Variants in PBX1 observed in about 807,000 individuals in gnomAD.
The protein encoded by PBX1 is pre-B-cell leukemia transcription factor 1.
A neutral mutation model predicts 53.4 loss-of-function variants in PBX1; 6 were observed. The observed-to-expected ratio is 0.11, with a 90% CI of 0.06 to 0.22. The LOEUF (loss-of-function observed/expected upper bound fraction) is 0.22. PBX1 is among the 10% of genes least tolerant of loss of function. PBX1 has a pLI of 1.00. For synonymous variants in PBX1, 204 were observed against 212.3 expected (o/e 0.96, Z 0.34); for missense variants, 251 against 551.4 (o/e 0.46, Z 5.46).
At chr1:164,712,696 A>G (rs1368550804) in intron 2 of PBX1, among the ~76,000 whole-genome samples, 1 of 152,182 alleles carries the variant, frequency 6.6e-6, no homozygotes. Flanking sequence ...GGCTCCCTTC[A>G]AATGAGGGAA....
intron 2 of PBX1, among the ~76,000 whole-genome samples, chr1:164,780,959 T>C (rs1667907462): frequency 6.6e-6 from 1 of 152,154 alleles, no homozygotes; most frequent in Admixed American, 6.5e-5. Flanking sequence ...ACTTGGAAAG[T>C]TCTGAGAAGC....
At chr1:164,716,215 C>G (rs1664072522) in intron 2 of PBX1, among the ~76,000 whole-genome samples, 1 of 152,172 alleles carries the variant, frequency 6.6e-6, no homozygotes, top group Admixed American at 6.5e-5. Context: ...ACCCACTGAT[C>G]TATGCAAGGC....
At chr1:164,692,815 C>G (rs564639111) in intron 2 of PBX1, among the ~76,000 whole-genome samples, 44 of 152,294 alleles carry the variant, frequency 2.9e-4, no homozygotes, top group Admixed American at 9.1e-4. Flanking sequence ...CTTACCCAGT[C>G]TTCACAGTCG....
At chr1:164,808,859 C>T (rs1248553217) in intron 5 of PBX1, among the ~76,000 whole-genome samples, 1 of 152,164 alleles carries the variant, frequency 6.6e-6, no homozygotes, top group African/African-American at 2.4e-5. Flanking sequence ...TGAATTGACT[C>T]CTTTTTAACC....
intron 2 of PBX1, among the ~76,000 whole-genome samples, chr1:164,726,853 G>T (rs761044603): frequency 6.6e-6 from 1 of 152,284 alleles, no homozygotes; most frequent in South Asian, 2.1e-4. Flanking sequence ...ACTTCTAGGC[G>T]AAATGGCATT....
At chr1:164,633,451 C>T (rs1004645663) in intron 2 of PBX1, among the ~76,000 whole-genome samples, 1 of 152,162 alleles carries the variant, frequency 6.6e-6, no homozygotes, top group Non-Finnish European at 1.5e-5. Context: ...CACGCAGCCC[C>T]TCTCTCTCTT....
intron 2 of PBX1, among the ~76,000 whole-genome samples, chr1:164,611,414 A>G (rs921471583): frequency 1.3e-5 from 2 of 151,768 alleles, no homozygotes; most frequent in South Asian, 4.1e-4. Context: ...ATTTTTTTGT[A>G]TTTTTAGTAG....
intron 5 of PBX1, among the ~76,000 whole-genome samples, chr1:164,808,918 T>C (rs1336972814): frequency 6.6e-6 from 1 of 152,202 alleles, no homozygotes; most frequent in Non-Finnish European, 1.5e-5. Flanking sequence ...TTTTTAGTCT[T>C]GACAGTTCTG....
chr1:164,780,323 G>A (rs1387497414), intron 2 of PBX1, among the ~76,000 whole-genome samples: 6 of 152,152 alleles, frequency 3.9e-5, no homozygotes, highest in South Asian at 2.1e-4. Flanking sequence ...GATGTTTGCC[G>A]CAGATGCTAA....
chr1:164,568,202 C>T (rs1183012848), intron 2 of PBX1, among the ~76,000 whole-genome samples: 1 of 152,146 alleles, frequency 6.6e-6, no homozygotes, highest in Middle Eastern at 3.2e-3. Context: ...AAGCATGACC[C>T]TGACTTCTTT....
Position 164,870,214 on chromosome 1 carries a change from T to C in PBX1, n.258-28974T>C, listed in dbSNP as rs866634899. ...TGACTTTCTTTCTTTCTTTCTTTTC[T>C]TTCTTTCCTTCCTTCCTTCCTTCCT... On this transcript the variant is annotated intron_variant and non_coding_transcript_variant, in intron 2 of 2. Transcript: ENST00000558796. 7.7e-3 allele frequency among the ~76,000 whole-genome samples: 636 copies of C among 82,370 alleles called. 16 individuals carry two copies. Among genetic ancestry groups the C allele is most frequent in the South Asian group, 0.026 (55 of 2,098 alleles). The allele number at this position is 82,370 out of a possible 152,430, so 54.0% of individuals were successfully genotyped here.
chr1:164,663,272 GCCTGCCTGCCTTCCTA>G (rs1287246362), intron 2 of PBX1, among the ~76,000 whole-genome samples: 1 of 140,256 alleles, frequency 7.1e-6, no homozygotes, highest in Non-Finnish European at 1.6e-5. Flanking sequence ...CTGCCTGCCT[GCCTGCCTGCCTTCCTA>G]CCTGCCTGCC....
intron 2 of PBX1, among the ~76,000 whole-genome samples, chr1:164,636,653 A>G (rs548091209): frequency 2.6e-5 from 4 of 152,184 alleles, no homozygotes; most frequent in African/African-American, 4.8e-5. Flanking sequence ...AGAAGGAGAC[A>G]GAAATCTTCT....
intron 2 of PBX1, among the ~76,000 whole-genome samples, chr1:164,656,844 T>C (rs1333547740): frequency 6.6e-6 from 1 of 152,018 alleles, no homozygotes; most frequent in East Asian, 1.9e-4. Context: ...CTATTACATA[T>C]ATTATATTAT....
intron 2 of PBX1, among the ~76,000 whole-genome samples, chr1:164,711,296 C>T (rs947634312): frequency 6.6e-6 from 1 of 152,184 alleles, no homozygotes; most frequent in Non-Finnish European, 1.5e-5. Context: ...CAGAGTCTTG[C>T]TCTGTCGCCC....
intron 2 of PBX1, among the ~76,000 whole-genome samples, chr1:164,649,107 G>C (rs1238566105): frequency 1.3e-5 from 2 of 152,076 alleles, no homozygotes; most frequent in Non-Finnish European, 2.9e-5. Flanking sequence ...TGCAATGTGG[G>C]AACATTGGCC....
chr1:164,689,491 G>A (rs773572725), intron 2 of PBX1, among the ~76,000 whole-genome samples: 2 of 152,076 alleles, frequency 1.3e-5, no homozygotes, highest in Non-Finnish European at 2.9e-5. Flanking sequence ...GGGAATGGGC[G>A]AGCAGGTTTC....
At chr1:164,584,624 T>G (rs890692462) in intron 2 of PBX1, among the ~76,000 whole-genome samples, 14 of 152,034 alleles carry the variant, frequency 9.2e-5, no homozygotes, top group African/African-American at 3.1e-4. Context: ...TGTGTTTTGG[T>G]GTGTGAAGAG....
chr1:164,832,147 A>G (rs1023147447), intron 8 of PBX1, among the ~76,000 whole-genome samples: 1 of 152,078 alleles, frequency 6.6e-6, no homozygotes, highest in African/African-American at 2.4e-5. Context: ...CTTTATCCAG[A>G]TAGACCCTTG....
Sources: allele counts gnomAD v4.1 joint callset (sites outside exome capture counted in the v4.1 genomes callset), GRCh38; gene constraint gnomAD v4.1.1; transcripts MANE v1.5; gene names NCBI Gene and HGNC (gene_info 2026-07-23, HGNC 2026-07-21).